RBFOX1: variants seen among roughly 807,000 people sequenced by gnomAD.
RBFOX1 encodes RNA binding fox-1 homolog 1, also known as RNA binding protein fox-1 homolog 1.
A neutral mutation model predicts 57.7 loss-of-function variants in RBFOX1; 8 were observed. The ratio of observed to expected loss-of-function variants is 0.14; its 90% CI spans 0.08 to 0.25. RBFOX1 has a LOEUF of 0.25. Among genes scored for constraint, RBFOX1 ranks in the 10% least tolerant of loss-of-function variants. The pLI, the probability that RBFOX1 is intolerant of heterozygous loss-of-function variation, is 1.00. For synonymous variants in RBFOX1, 326 were observed against 222.4 expected, an observed-to-expected ratio of 1.47 and a Z score of -4.15; for missense variants, 611 against 548.5, an observed-to-expected ratio of 1.11 and a Z score of -1.14.
chr16:5,686,502 C>T (rs1346675907), intron 3 of RBFOX1, among the ~76,000 whole-genome samples: 2 of 152,092 alleles, frequency 1.3e-5, no homozygotes, highest in Non-Finnish European at 2.9e-5. Context: ...CTGAGAGATC[C>T]TGGCTTTGTC....
At chr16:6,681,793 T>A (rs2154122717) in intron 3 of RBFOX1, among the ~76,000 whole-genome samples, 1 of 152,328 alleles carries the variant, frequency 6.6e-6, no homozygotes, top group South Asian at 2.1e-4. Flanking sequence ...GTCTGTAATG[T>A]GGAGATAATA....
intron 2 of RBFOX1, among the ~76,000 whole-genome samples, chr16:5,534,655 T>G (rs1307728451): frequency 6.6e-6 from 1 of 152,200 alleles, no homozygotes; most frequent in African/African-American, 2.4e-5. Flanking sequence ...TCCGATTAGA[T>G]GGTGCCCACT....
intron 3 of RBFOX1, among the ~76,000 whole-genome samples, chr16:5,848,933 GGA>G (rs1206554527): frequency 2.6e-5 from 4 of 151,678 alleles, no homozygotes; most frequent in African/African-American, 9.7e-5. Context: ...TGGGTGACAG[GGA>G]GAGACTCCAT....
chr16:6,317,175 C>T, intron 2 of RBFOX1, 118 bp downstream of exon 2: 4 of 951,662 alleles, frequency 4.2e-6, no homozygotes, highest in Non-Finnish European at 6.3e-6. Context: ...TTGCTGCCTG[C>T]CTATGTCTTT....
chr16:7,034,829 T>TTTTTTTTTTCTTTTTTC (rs2043838715), intron 3 of RBFOX1, among the ~76,000 whole-genome samples: 2 of 47,976 alleles, frequency 4.2e-5, no homozygotes, highest in Non-Finnish European at 8.9e-5. Context: ...TTGCATTACT[T>TTTTTTTTTTCTTTTTTC]TTTTTTTTTT....
intron 2 of RBFOX1, among the ~76,000 whole-genome samples, chr16:6,611,416 G>C (rs536279928): frequency 6.6e-6 from 1 of 152,200 alleles, no homozygotes; most frequent in Non-Finnish European, 1.5e-5. Context: ...CAAAGTGCTG[G>C]GATGTCAGGC....
At chr16:5,736,588 T>C (rs2052583144) in intron 3 of RBFOX1, among the ~76,000 whole-genome samples, 1 of 152,012 alleles carries the variant, frequency 6.6e-6, no homozygotes, top group African/African-American at 2.4e-5. Flanking sequence ...CTGTGAAGAG[T>C]TGAACATGAA....
At chr16:7,188,533 C>G (rs1451299707) in intron 4 of RBFOX1, among the ~76,000 whole-genome samples, 1 of 152,126 alleles carries the variant, frequency 6.6e-6, no homozygotes, top group African/African-American at 2.4e-5. Context: ...GGTGTCTGCA[C>G]CTTTTCTCCC....
At chr16:5,959,955 C>T (rs921027379) in intron 4 of RBFOX1, among the ~76,000 whole-genome samples, 1 of 152,202 alleles carries the variant, frequency 6.6e-6, no homozygotes, top group African/African-American at 2.4e-5. Flanking sequence ...AATCCCAGTA[C>T]TTTGGGAGGC....
chr16:5,598,680 G>T (rs58366393), intron 2 of RBFOX1, among the ~76,000 whole-genome samples: 5,421 of 152,210 alleles, frequency 0.036, 325 homozygotes, highest in African/African-American at 0.12. Flanking sequence ...CCATTTCAAT[G>T]AGACTAGCCA....
chr16:5,712,341 T>C (rs537689636), intron 3 of RBFOX1, among the ~76,000 whole-genome samples: 11 of 152,302 alleles, frequency 7.2e-5, no homozygotes, highest in Admixed American at 3.3e-4. Context: ...AGATTAGAAA[T>C]ATTATATTTA....
chr16:6,312,655 TCC>T (rs1491385087), intron 1 of RBFOX1, among the ~76,000 whole-genome samples: 2 of 1,744 alleles, frequency 1.1e-3, no homozygotes, highest in Non-Finnish European at 2.2e-3. Context: ...GTTCCTTCTT[TCC>T]TTCCTTCCTT....
At chr16:5,607,454 C>A (rs746622998) in intron 3 of RBFOX1, among the ~76,000 whole-genome samples, 14 of 152,152 alleles carry the variant, frequency 9.2e-5, no homozygotes, top group Non-Finnish European at 1.8e-4. Context: ...GAGGGGAAAT[C>A]TATTTAGTGA....
At chr16:6,897,553 G>C (rs1165433972) in intron 3 of RBFOX1, among the ~76,000 whole-genome samples, 1 of 152,202 alleles carries the variant, frequency 6.6e-6, no homozygotes, top group Non-Finnish European at 1.5e-5. Context: ...CAACACTTTG[G>C]GAGTCCAAGG....
chr16:7,458,914 G>A (rs1422733092), intron 4 of RBFOX1, among the ~76,000 whole-genome samples: 2 of 152,168 alleles, frequency 1.3e-5, no homozygotes, highest in Non-Finnish European at 1.5e-5. Context: ...AGCTCCAACC[G>A]GGTAGATATT....
intron 3 of RBFOX1, among the ~76,000 whole-genome samples, chr16:6,697,377 C>A (rs982286382): frequency 1.3e-5 from 2 of 152,098 alleles, no homozygotes; most frequent in South Asian, 4.1e-4. Context: ...TGGGTGCAAG[C>A]AACAGAAACC....
intron 4 of RBFOX1, among the ~76,000 whole-genome samples, chr16:7,114,139 CTT>C (rs1355209926): frequency 2.0e-5 from 3 of 152,134 alleles, no homozygotes; most frequent in Non-Finnish European, 4.4e-5. Flanking sequence ...GAGTTTTTAA[CTT>C]TCAGTTGTAC....
intron 4 of RBFOX1, among the ~76,000 whole-genome samples, chr16:7,515,655 A>G (rs1240281873): frequency 6.6e-6 from 1 of 152,224 alleles, no homozygotes; most frequent in East Asian, 1.9e-4. Flanking sequence ...AATATGGGAC[A>G]TTTACTGACT....
In RBFOX1 at chr16:6,691,384, C is replaced by G. The variant is rs540380772; in HGVS notation, c.-16+36734C>G. ...TTCTTCACTCTTCTCTGTCCATTTC[C>G]ACCTTCCCAATCCAAACTTGTCACT... On this transcript the variant is annotated intron_variant, in intron 3 of 15. Transcript: ENST00000550418. 2.8e-4 allele frequency among the ~76,000 whole-genome samples: 43 copies of G among 152,280 alleles called. 2 individuals are homozygous for G. Among genetic ancestry groups the G allele is most frequent in the Non-Finnish European group, 4.4e-5 (3 of 68,010 alleles).
Sources: gnomAD v4.1 joint callset for allele counts (sites outside exome capture counted in the v4.1 genomes callset) on GRCh38, gnomAD v4.1.1 for gene constraint, MANE v1.5 for transcripts, NCBI Gene and HGNC (gene_info 2026-07-23, HGNC 2026-07-21) for gene names.